The following PRSS33 variants were observed in gnomAD, a reference collection of about 807,000 sequenced individuals.
PRSS33 encodes serine protease 33.
Under a neutral mutation model 26.7 loss-of-function variants are expected in PRSS33, and 32 were observed. That is an observed-to-expected ratio of 1.20 (90% CI 0.90 to 1.61). The LOEUF is 1.61. Ranked by LOEUF, PRSS33 falls within the 40% of genes most tolerant of loss-of-function variation. PRSS33 has a pLI of 0.00. For synonymous variants in PRSS33, 192 were observed against 177.6 expected (o/e 1.08, Z -0.64); for missense variants, 450 against 396.3 (o/e 1.14, Z -1.15).
chr16:2,786,659 A>C, intron 1 of PRSS33, 55 bp from the exon 2 acceptor site: 4 of 1,214,064 alleles, frequency 3.3e-6, no homozygotes, highest in Non-Finnish European at 4.7e-6. Context: ...ACCAATCCTC[A>C]CACCAGCCCG....
In PRSS33 at chr16:2,787,544, G is replaced by T. The variant is rs1220117645; in HGVS notation, c.-69C>A. 6.9e-6 allele frequency among the ~76,000 whole-genome samples: 1 copy of T among 144,624 alleles called. No individual in the cohort carries two copies. The highest frequency in any genetic ancestry group is 1.5e-5 in the Non-Finnish European group (1 of 66,682). The allele number at this position is 144,624 out of a possible 152,430, so 94.9% of individuals were successfully genotyped here. A position where few individuals can be genotyped will look rare whatever the true frequency, so the allele number is the denominator to read the frequency against. On this transcript the variant is annotated 5_prime_UTR_variant, in exon 1 of 7. Transcript: ENST00000682474. ...TGGCTTGCTCTCACCCTCACAGCCT[G>T]GCGCCTTCTGCTGACTGGGGTTGAG...
chr16:2,786,473 C>T, intron 2 of PRSS33, 29 bp downstream of exon 2: 1 of 1,612,930 alleles, frequency 6.2e-7, no homozygotes, highest in South Asian at 1.1e-5. Context: ...TGTCTGCGGC[C>T]CTCACCCCCA....
In PRSS33 at chr16:2,785,567, G is replaced by T; in HGVS notation, c.322C>A (p.Pro108Thr). Reference sequence around the variant, plus strand: ...GGGGGCAGCAGCACCCGTCGCACGGGCACCGAGAGCGTGCGGGGCGAGGTG... The same window carrying T: ...GGGGGCAGCAGCACCCGTCGCACGGTCACCGAGAGCGTGCGGGGCGAGGTG... ...GSTSPRTLSVPVRRVLLPPDY... is the reference protein window; with the variant it reads ...GSTSPRTLSVTVRRVLLPPDY... Residue 108 changes from proline (P) to threonine (T), a missense_variant, in exon 5 of 7, where the codon CCC (proline) becomes ACC (threonine). By Grantham distance (38) the Pro-to-Thr change is conservative. Transcript: ENST00000682474. 1 of 1,527,102 alleles carries T rather than the reference G, an allele frequency of 6.5e-7. No individual in the cohort carries two copies. Among genetic ancestry groups the T allele is most frequent in the South Asian group, 1.2e-5 (1 of 83,162 alleles). 94.6% of individuals were successfully genotyped at this position (1,527,102 alleles called of 1,614,324 possible).
At chr16:2,786,874 TCCC>T in intron 1 of PRSS33, 1 of 36,064 alleles carries the variant, frequency 2.8e-5, no homozygotes, top group South Asian at 3.0e-4. Context: ...CTCATCCCCC[TCCC>T]CCATCCTCAC....
At position 2,785,500 on chromosome 16, in the gene PRSS33, A is replaced by G; in HGVS notation, c.389T>C (p.Leu130Pro). 1 of 1,523,318 alleles carries G rather than the reference A, an allele frequency of 6.6e-7. No homozygotes were observed. The highest frequency in any genetic ancestry group is 8.7e-7 in the Non-Finnish European group (1 of 1,143,188). The allele number at this position is 1,523,318 out of a possible 1,614,324, so 94.4% of individuals were successfully genotyped here. A position where few individuals can be genotyped will look rare whatever the true frequency, so the allele number is the denominator to read the frequency against. The change falls in exon 5 of 7, where the codon CTG becomes CCG. Residue 130 changes from leucine (L) to proline (P), a missense_variant. Transcript: ENST00000682474. ...EDGARGDLAL[L>P]QLRRPVPLSA... ...CAGGGGCACCGGGCGACGCAGCTGC[A>G]GCAGTGCCAGGTCGCCGCGGGCCCC...
chr16:2,785,608 G>T lies in PRSS33; in HGVS notation c.281C>A (p.Ala94Glu). Residue 94 changes from alanine (A) to glutamate (E), a missense_variant, in exon 5 of 7, where the codon GCG becomes GAG. Transcript: ENST00000682474. ...LPAEYRVRLG[A>E]LRLGSTSPRT... ...GGGCGAGGTGGAGCCCAGACGCAGC[G>T]CCCCCAGGCGCACGCGGTACTCAGC... 1.3e-6 allele frequency: 2 copies of T among 1,508,196 alleles called. No individual in the cohort carries two copies. The highest frequency in any genetic ancestry group is 8.8e-7 in the Non-Finnish European group (1 of 1,136,252). The allele number at this position is 1,508,196 out of a possible 1,614,324, so 93.4% of individuals were successfully genotyped here.
At chr16:2,787,789 G>C (rs2068894742), upstream of PRSS33, 1 of 152,536 alleles carries the variant, frequency 6.6e-6, no homozygotes, top group African/African-American at 2.4e-5. Context: ...CAGTGGTGCG[G>C]GTAGGTGCTG....
In PRSS33 at chr16:2,785,488, C is replaced by T; in HGVS notation, c.401G>A (p.Arg134His). 6.6e-7 allele frequency: 1 copy of T among 1,517,154 alleles called. No homozygotes were observed. Among genetic ancestry groups the T allele is most frequent in the Admixed American group, 2.0e-5 (1 of 49,352 alleles). 94.0% of individuals were successfully genotyped at this position (1,517,154 alleles called of 1,614,324 possible). The part of the protein sequence containing the change: ...RGDLALLQLR[R>H]PVPLSARVQP... ...GACGCGAGCGCTCAGGGGCACCGGG[C>T]GACGCAGCTGCAGCAGTGCCAGGTC... Residue 134 changes from arginine to histidine, a missense_variant, in exon 5 of 7, where the codon CGC becomes CAC. Transcript: ENST00000682474.
In PRSS33 at chr16:2,784,560, T is replaced by G; in HGVS notation, c.*84A>C. 2 of 1,343,470 alleles carry G rather than the reference T, an allele frequency of 1.5e-6. No homozygotes were observed. The highest frequency in any genetic ancestry group is 1.0e-6 in the Non-Finnish European group (1 of 994,268). The allele number at this position is 1,343,470 out of a possible 1,614,324, so 83.2% of individuals were successfully genotyped here. Reference sequence around the variant, plus strand: ...CATCTTGGCCTCGAGGCAGAAGGGATGTGGGGTATAGGCAGGTGCCTGGAT... The same window carrying G: ...CATCTTGGCCTCGAGGCAGAAGGGAGGTGGGGTATAGGCAGGTGCCTGGAT... On this transcript the variant is annotated 3_prime_UTR_variant, in exon 7 of 7. Transcript: ENST00000682474.
At position 2,785,870 on chromosome 16, in the gene PRSS33, AC is replaced by A. The variant is rs780075561; in HGVS notation, c.170del (p.Arg57LeufsTer17). On this transcript the variant is annotated frameshift_variant, in exon 4 of 7. Transcript: ENST00000682474. LOFTEE classifies it high-confidence loss of function. ...GCGACCCCCCGCACACGTGTGCCCC[AC>A]GATGCTGGATGCTCGCCTGCCACGG... Reference protein sequence around the residue: ...EWPWQASIQHRGAHVCGGSLI... With the variant: ...EWPWQASIQHXGAHVCGGSLI... The A allele has an allele frequency of 6.2e-7, 1 of 1,609,878 alleles. No homozygotes were observed. The highest frequency in any genetic ancestry group is 2.2e-5 in the East Asian group (1 of 44,758).
chr16:2,786,480 C>A (rs2068875370), intron 2 of PRSS33, 22 bp downstream of exon 2: 1 of 1,613,060 alleles, frequency 6.2e-7, no homozygotes, highest in South Asian at 1.1e-5. Context: ...GGCCCTCACC[C>A]CCAGTCCCTG....
In PRSS33 at chr16:2,785,664, G is replaced by A. The variant is rs1274267347; in HGVS notation, c.243-18C>T. ...GTGCCCTCCTGCAGGACAGGAGCGGGGGACTACTTCCAGCACCGGGTCCTC... is the reference window on the plus strand; with the variant it reads ...GTGCCCTCCTGCAGGACAGGAGCGGAGGACTACTTCCAGCACCGGGTCCTC... On this transcript the variant is annotated intron_variant, in intron 4 of 6. Coordinates refer to ENST00000682474, the MANE Select transcript of PRSS33 (RefSeq NM_152891.3). 1.4e-6 allele frequency: 2 copies of A among 1,473,692 alleles called. No homozygotes were observed. The highest frequency in any genetic ancestry group is 1.8e-6 in the Non-Finnish European group (2 of 1,117,160). The allele number at this position is 1,473,692 out of a possible 1,614,324, so 91.3% of individuals were successfully genotyped here. A position where few individuals can be genotyped will look rare whatever the true frequency, so the allele number is the denominator to read the frequency against.
At chr16:2,786,425 C>G in intron 2 of PRSS33, 77 bp downstream of exon 2, 1 of 1,556,890 alleles carries the variant, frequency 6.4e-7, no homozygotes. Flanking sequence ...GGGAGCCCGG[C>G]CCAGGGAGCA....
rs2068855656 is a variant in PRSS33 at position 2,785,021 on chromosome 16, C to T, written c.665G>A (p.Gly222Asp). 2 of 1,595,678 alleles carry T rather than the reference C, an allele frequency of 1.3e-6. No homozygotes were observed. The highest frequency in any genetic ancestry group is 3.5e-5 in the Admixed American group (2 of 57,828). Reference sequence around the variant, plus strand: ...GCACACCTGGCAGGCGTCCTTGTGGCCCTGGGGGTAGCCGGCACACAGACT... The same window carrying T: ...GCACACCTGGCAGGCGTCCTTGTGGTCCTGGGGGTAGCCGGCACACAGACT... ...PGSLCAGYPQ[G>D]HKDACQGDSG... The change falls in exon 6 of 7, where the codon GGC (glycine) becomes GAC (aspartate). Residue 222 changes from glycine (G) to aspartate (D), a missense_variant. By Grantham distance (94) the Gly-to-Asp change is moderately conservative. Transcript: ENST00000682474.
chr16:2,786,868 T>TCCCCCTCCCCCATCCTCA (rs2068879818), intron 1 of PRSS33: 5 of 102,064 alleles, frequency 4.9e-5, no homozygotes, highest in Admixed American at 1.4e-4. Context: ...CCCTCCCTCA[T>TCCCCCTCCCCCATCCTCA]CCCCCTCCCC....
rs1371604137 is a variant in PRSS33, at chr16:2,784,627, AGCCTCACC to A, written c.*9_*16del. On this transcript the variant is annotated 3_prime_UTR_variant, in exon 7 of 7. Transcript: ENST00000682474. ...GGACCCCAGCAGCTGGCTCCAGGTC[AGCCTCACC>A]GGCTAGCATTAGAAGCTGACGCGAG... 4 of 1,566,554 alleles carry A rather than the reference AGCCTCACC, an allele frequency of 2.6e-6. No individual in the cohort carries two copies. In the East Asian group the frequency reaches 9.4e-5, roughly 37 times the overall value.
intron 2 of PRSS33, 41 bp from the exon 3 acceptor site, chr16:2,786,162 G>A: frequency 6.3e-7 from 1 of 1,581,952 alleles, no homozygotes; most frequent in South Asian, 1.1e-5. Flanking sequence ...TATAGATTTG[G>A]TGTCAAATAA....
chr16:2,786,599 T>C lies in PRSS33; in HGVS notation c.-52A>G, dbSNP rs770743323. 1 of 1,605,832 alleles carries C rather than the reference T, an allele frequency of 6.2e-7. No homozygotes were observed. Among genetic ancestry groups the C allele is most frequent in the Non-Finnish European group, 8.5e-7 (1 of 1,174,448 alleles). Reference sequence around the variant, plus strand: ...GGGTGGCACTGCCTAGGGCTTGGACTCTGGTCTGGAGCCAGCAGGGAGAAG... The same window carrying C: ...GGGTGGCACTGCCTAGGGCTTGGACCCTGGTCTGGAGCCAGCAGGGAGAAG... On this transcript the variant is annotated 5_prime_UTR_variant, in exon 2 of 7. Transcript: ENST00000682474.
In PRSS33 at chr16:2,786,559, G is replaced by A. The variant is rs760814914; in HGVS notation, c.-12C>T. On this transcript the variant is annotated 5_prime_UTR_variant, in exon 2 of 7. Transcript: ENST00000682474. ...GAAACCCCTCTCATTCTGTCTTCAA[G>A]GCTGGGCTGGGTAAGGGTGGCACTG... The A allele has an allele frequency of 3.7e-6, 6 of 1,613,182 alleles. No individual in the cohort carries two copies. In the South Asian group the frequency reaches 4.4e-5, roughly 12 times the overall value.
Sources: allele counts gnomAD v4.1 joint callset (sites outside exome capture counted in the v4.1 genomes callset), GRCh38; gene constraint gnomAD v4.1.1; transcripts MANE v1.5; gene names NCBI Gene and HGNC (gene_info 2026-07-23, HGNC 2026-07-21).